Variants in QKI observed in about 807,000 individuals in gnomAD.
QKI encodes the protein QKI, KH domain containing RNA binding.
QKI carries 10 observed loss-of-function variants against 39.0 expected under a neutral mutation model. That is an observed-to-expected ratio of 0.26 (90% CI 0.16 to 0.43). The LOEUF (loss-of-function observed/expected upper bound fraction) is 0.43, where lower values mean the gene tolerates loss of function less well. Ranked by LOEUF, QKI falls within the 20% of genes least tolerant of loss-of-function variation. The probability of loss-of-function intolerance (pLI) is 1.00; values close to 1 mark genes in which losing one functional copy is unlikely to be tolerated. For synonymous variants in QKI, 204 were observed against 155.4 expected (o/e 1.31, Z -2.33); for missense variants, 218 against 428.0 (o/e 0.51, Z 4.33).
intron 6 of QKI, chr6:163,566,366 C>T: frequency 1.1e-5 from 13 of 1,202,986 alleles, no homozygotes; most frequent in Non-Finnish European, 1.4e-5. Flanking sequence ...CTGTATTAAA[C>T]ATGGCGTTAT....
At chr6:163,498,371 A>G (rs920876205) in intron 3 of QKI, among the ~76,000 whole-genome samples, 9 of 152,180 alleles carry the variant, frequency 5.9e-5, no homozygotes, top group Non-Finnish European at 1.2e-4. Flanking sequence ...GAAGAAATAA[A>G]AGTTTGGACA....
chr6:163,561,870 A>G, intron 4 of QKI, 112 bp from the exon 5 acceptor site: 2 of 714,892 alleles, frequency 2.8e-6, no homozygotes, highest in Non-Finnish European at 4.4e-6. Context: ...CCCCTTATTA[A>G]AACAGGTGAC....
At chr6:163,463,642 C>CA (rs1791504388) in intron 2 of QKI, among the ~76,000 whole-genome samples, 1 of 152,076 alleles carries the variant, frequency 6.6e-6, no homozygotes, top group African/African-American at 2.4e-5. Flanking sequence ...TGAAACCATT[C>CA]AAAACAAATT....
intron 3 of QKI, among the ~76,000 whole-genome samples, chr6:163,526,934 C>T (rs1411004636): frequency 6.6e-6 from 1 of 152,140 alleles, no homozygotes; most frequent in Non-Finnish European, 1.5e-5. Context: ...ACCTGGCAGT[C>T]AATAAGTACT....
chr6:163,565,495 A>G (rs1783308236), intron 6 of QKI: 2 of 987,718 alleles, frequency 2.0e-6, no homozygotes, highest in Non-Finnish European at 2.4e-6. Context: ...AGCAAGAGGC[A>G]CTGCAGTAAA....
chr6:163,537,022 A>C lies in QKI; in HGVS notation c.546+1897A>C, dbSNP rs77690968. Among the ~76,000 whole-genome samples, 1,265 of 152,278 alleles carry C rather than the reference A, an allele frequency of 8.3e-3. 22 individuals are homozygous for C. Among genetic ancestry groups the C allele is most frequent in the African/African-American group, 0.029 (1,213 of 41,556 alleles). On this transcript the variant is annotated intron_variant, in intron 4 of 7. Coordinates refer to ENST00000361752, the MANE Select transcript of QKI (RefSeq NM_006775.3). ...TCAGGAGTTCGAGACCAGCCTGGGCAACATAGCAAGACCCCTTTATACAAA... is the reference window on the plus strand; with the variant it reads ...TCAGGAGTTCGAGACCAGCCTGGGCCACATAGCAAGACCCCTTTATACAAA...
chr6:163,530,727 G>A (rs1035130175), intron 3 of QKI, among the ~76,000 whole-genome samples: 2 of 151,972 alleles, frequency 1.3e-5, no homozygotes, highest in Non-Finnish European at 2.9e-5. Flanking sequence ...CGGGTTGGTC[G>A]GTCTCTCTCT....
intron 4 of QKI, among the ~76,000 whole-genome samples, chr6:163,554,035 C>G (rs1782431127): frequency 6.6e-6 from 1 of 152,132 alleles, no homozygotes; most frequent in Admixed American, 6.5e-5. Context: ...TACCCCAGGG[C>G]TGGAATAAAA....
chr6:163,415,783 C>T (rs956979426), intron 1 of QKI: 1 of 382,936 alleles, frequency 2.6e-6, no homozygotes, highest in Non-Finnish European at 5.2e-6. Context: ...CCTCCCGAGC[C>T]TGCTCTGCGC....
At chr6:163,497,258 C>G (rs754604022) in intron 3 of QKI, among the ~76,000 whole-genome samples, 5 of 151,930 alleles carry the variant, frequency 3.3e-5, no homozygotes, top group Admixed American at 2.0e-4. Flanking sequence ...TAGTTTTGTT[C>G]TAGCATTTGT....
chr6:163,434,548 T>C (rs1232670268), intron 1 of QKI, among the ~76,000 whole-genome samples: 1 of 151,952 alleles, frequency 6.6e-6, no homozygotes, highest in East Asian at 1.9e-4. Context: ...ACCCCCTCTC[T>C]ACTAAAAATA....
chr6:163,566,821 C>T lies in QKI; in HGVS notation c.1009+26C>T, dbSNP rs777027383. The T allele has an allele frequency of 3.7e-6, 6 of 1,611,486 alleles. No individual in the cohort carries two copies. In the Admixed American group the frequency reaches 1.0e-4, roughly 27 times the overall value. On this transcript the variant is annotated intron_variant, in intron 7 of 7. Transcript: ENST00000361752. ...GTTAGTTTAGTTCTGCAGTTCTTGT[C>T]TATAAGAAATGCGTTGGGTGTCCAT...
intron 1 of QKI, among the ~76,000 whole-genome samples, chr6:163,443,054 G>T (rs1429549841): frequency 6.6e-6 from 1 of 152,144 alleles, no homozygotes; most frequent in African/African-American, 2.4e-5. Context: ...GAATCTTTGT[G>T]AAGTAAACCA....
At chr6:163,569,828 C>T in intron 7 of QKI, 4 of 985,814 alleles carry the variant, frequency 4.1e-6, no homozygotes, top group Non-Finnish European at 4.8e-6. Flanking sequence ...TTTTAAAATG[C>T]CTTATTGGTA....
Position 163,575,528 on chromosome 6 carries a change from A to G in QKI, c.*4818A>G, listed in dbSNP as rs1274890280. ...TTTCAGTCAAGAAGTTGGTGAAATTAATGTCCTTAAACTTTTCCTTTAGGC... is the reference window on the plus strand; with the variant it reads ...TTTCAGTCAAGAAGTTGGTGAAATTGATGTCCTTAAACTTTTCCTTTAGGC... On this transcript the variant is annotated 3_prime_UTR_variant, in exon 8 of 8. Coordinates refer to ENST00000361752, the MANE Select transcript of QKI (RefSeq NM_006775.3). 3 of 152,216 alleles carry G rather than the reference A, an allele frequency of 2.0e-5. No homozygotes were observed. The highest frequency in any genetic ancestry group is 7.2e-5 in the African/African-American group (3 of 41,452). 9.4% of individuals were successfully genotyped at this position (152,216 alleles called of 1,614,324 possible).
At chr6:163,497,607 C>T (rs1448877217) in intron 3 of QKI, among the ~76,000 whole-genome samples, 1 of 149,064 alleles carries the variant, frequency 6.7e-6, no homozygotes, top group South Asian at 2.1e-4. Context: ...TACCTAATGA[C>T]CTAGGAAAAA....
chr6:163,470,239 T>C (rs1037534231), intron 2 of QKI, among the ~76,000 whole-genome samples: 2 of 152,126 alleles, frequency 1.3e-5, no homozygotes, highest in Non-Finnish European at 2.9e-5. Context: ...AATTTGTCTA[T>C]GTGAACCTCC....
At chr6:163,478,657 T>C in intron 2 of QKI, 123 bp from the exon 3 acceptor site, 1 of 665,080 alleles carries the variant, frequency 1.5e-6, no homozygotes. Context: ...CTAGATTTTA[T>C]TTCAACTTAG....
rs1777692364 is a variant in QKI at position 163,578,222 on chromosome 6, TTAATA to T, written c.*7516_*7520del. The T allele has an allele frequency of 6.6e-6, 1 of 152,184 alleles. No homozygotes were observed. The allele number at this position is 152,184 out of a possible 1,614,324, so 9.4% of individuals were successfully genotyped here. A position where few individuals can be genotyped will look rare whatever the true frequency, so the allele number is the denominator to read the frequency against. ...TGTTCATTGGTTACTTAACTGGATATTAATATAAAGGTTATTACAAGAAAAATGAT... is the reference window on the plus strand; with the variant it reads ...TGTTCATTGGTTACTTAACTGGATATTAAAGGTTATTACAAGAAAAATGAT... On this transcript the variant is annotated 3_prime_UTR_variant, in exon 8 of 8. Transcript: ENST00000361752.
Sources: gnomAD v4.1 joint callset for allele counts (sites outside exome capture counted in the v4.1 genomes callset) on GRCh38, gnomAD v4.1.1 for gene constraint, MANE v1.5 for transcripts, NCBI Gene and HGNC (gene_info 2026-07-23, HGNC 2026-07-21) for gene names.